The following POLDIP3 variants were observed in gnomAD, a reference collection of about 807,000 sequenced individuals.
The protein encoded by POLDIP3 is polymerase delta-interacting protein 3.
POLDIP3 carries 14 observed loss-of-function variants against 45.1 expected under a neutral mutation model. The observed-to-expected ratio is 0.31, with a 90% CI of 0.20 to 0.49. The LOEUF (loss-of-function observed/expected upper bound fraction) is 0.49, where lower values mean the gene tolerates loss of function less well. Among genes scored for constraint, POLDIP3 ranks in the 20% least tolerant of loss-of-function variants. The probability of loss-of-function intolerance (pLI) is 0.99; values close to 1 mark genes in which losing one functional copy is unlikely to be tolerated. For missense variants in POLDIP3, 511 were observed against 538.8 expected, an observed-to-expected ratio of 0.95 and a Z score of 0.51; for synonymous variants, 223 against 205.2, an observed-to-expected ratio of 1.09 and a Z score of -0.74.
Position 42,613,760 on chromosome 22 carries a change from C to CAA in POLDIP3, c.59+1037_59+1038dup, listed in dbSNP as rs541621326. Among the ~76,000 whole-genome samples, 287 of 151,548 alleles carry CAA rather than the reference C, an allele frequency of 1.9e-3. 2 individuals carry two copies. Among genetic ancestry groups the CAA allele is most frequent in the African/African-American group, 6.7e-3 (276 of 41,316 alleles). On this transcript the variant is annotated intron_variant, in intron 1 of 8. Transcript: ENST00000252115. ...TGGGCGACAGAGCAACACCCCGTCTCAAAAAAAACATAAAAATAAAAATAA... is the reference window on the plus strand; with the variant it reads ...TGGGCGACAGAGCAACACCCCGTCTCAAAAAAAAAACATAAAAATAAAAATAA...
chr22:42,595,323 G>A (rs2146810919), intron 6 of POLDIP3, among the ~76,000 whole-genome samples: 1 of 152,286 alleles, frequency 6.6e-6, no homozygotes, highest in South Asian at 2.1e-4. Context: ...CTGCTGGGAG[G>A]GGCCTCTGGA....
At chr22:42,602,698 C>T (rs1601900182) in intron 2 of POLDIP3, 72 bp downstream of exon 2, 4 of 1,509,486 alleles carry the variant, frequency 2.6e-6, no homozygotes, top group African/African-American at 2.8e-5. Flanking sequence ...CCCAGTCACT[C>T]CTGGCACCTT....
intron 6 of POLDIP3, among the ~76,000 whole-genome samples, chr22:42,594,225 G>A (rs1569297673): frequency 2.0e-5 from 3 of 151,820 alleles, no homozygotes; most frequent in African/African-American, 7.3e-5. Context: ...CGCACTACTG[G>A]CACTCCAGCC....
chr22:42,601,625 G>C (rs961974017), intron 3 of POLDIP3, among the ~76,000 whole-genome samples: 3 of 152,128 alleles, frequency 2.0e-5, no homozygotes, highest in Non-Finnish European at 4.4e-5. Context: ...GCTGGGTGTG[G>C]TGGTACGCGC....
intron 1 of POLDIP3, among the ~76,000 whole-genome samples, chr22:42,614,132 C>A (rs1927304490): frequency 6.6e-6 from 1 of 152,204 alleles, no homozygotes; most frequent in Non-Finnish European, 1.5e-5. Flanking sequence ...CTCAGCCCGC[C>A]GCTCAGTTCT....
intron 1 of POLDIP3, among the ~76,000 whole-genome samples, chr22:42,605,406 G>A (rs547536873): frequency 3.9e-5 from 6 of 152,374 alleles, no homozygotes; most frequent in South Asian, 2.1e-4. Context: ...GATTACAGGC[G>A]TGAGCCACTG....
At chr22:42,604,312 T>C (rs1485092956) in intron 1 of POLDIP3, among the ~76,000 whole-genome samples, 1 of 152,078 alleles carries the variant, frequency 6.6e-6, no homozygotes, top group African/African-American at 2.4e-5. Context: ...TGGGGTTCAG[T>C]CCTTTTGCAG....
chr22:42,604,085 C>T (rs982866032), intron 1 of POLDIP3, among the ~76,000 whole-genome samples: 2 of 152,124 alleles, frequency 1.3e-5, no homozygotes, highest in African/African-American at 2.4e-5. Context: ...GGTCTTTGGG[C>T]TTCTTCTGTC....
intron 7 of POLDIP3, among the ~76,000 whole-genome samples, chr22:42,590,917 CAAAA>C (rs931673467): frequency 6.6e-6 from 1 of 151,624 alleles, no homozygotes; most frequent in African/African-American, 2.4e-5. Flanking sequence ...ACTAAAAATA[CAAAA>C]AAATTAGCTG....
At position 42,596,044 on chromosome 22, in the gene POLDIP3, G is replaced by A. The variant is rs1302701160; in HGVS notation, c.813+142C>T. The A allele has an allele frequency of 4.6e-6, 4 of 866,104 alleles. No homozygotes were observed. In the East Asian group the frequency reaches 7.7e-5, roughly 17 times the overall value. The allele number at this position is 866,104 out of a possible 1,614,324, so 53.7% of individuals were successfully genotyped here. On this transcript the variant is annotated intron_variant, in intron 5 of 8. Transcript: ENST00000252115. The stretch of plus-strand genomic sequence containing the variant: ...GCCTGCAAGGTCTTTGAGGGTAAGA[G>A]TCCCTAGGTCTTGGTTTGCTCATCT...
intron 6 of POLDIP3, among the ~76,000 whole-genome samples, chr22:42,594,465 C>G (rs1255757613): frequency 6.6e-6 from 1 of 151,466 alleles, no homozygotes. Flanking sequence ...GAACCGAGAT[C>G]ACACCATTAC....
rs576100345 is a variant in POLDIP3, at chr22:42,604,522, G to C, written c.60-1362C>G. On this transcript the variant is annotated intron_variant, in intron 1 of 8. Transcript: ENST00000252115. ...TGAGGATCTCTGACCTGCTGTTAGA[G>C]GGTAAACTCTGCTGCATAAACGAGT... 4.0e-4 allele frequency among the ~76,000 whole-genome samples: 61 copies of C among 152,286 alleles called. 1 individual carries two copies. In the South Asian group the frequency reaches 0.013, roughly 32 times the overall value.
intron 4 of POLDIP3, among the ~76,000 whole-genome samples, chr22:42,597,268 T>G (rs1926052160): frequency 6.6e-6 from 1 of 152,204 alleles, no homozygotes; most frequent in Non-Finnish European, 1.5e-5. Flanking sequence ...GGGCAGTGTT[T>G]ACAGGCACTG....
At chr22:42,592,663 T>C (rs998027284) in intron 6 of POLDIP3, among the ~76,000 whole-genome samples, 2 of 152,218 alleles carry the variant, frequency 1.3e-5, no homozygotes, top group Non-Finnish European at 2.9e-5. Context: ...GCAAATTACT[T>C]AACTTCTCTG....
intron 1 of POLDIP3, among the ~76,000 whole-genome samples, chr22:42,606,966 T>A (rs1926767612): frequency 6.6e-6 from 1 of 152,092 alleles, no homozygotes; most frequent in South Asian, 2.1e-4. Context: ...AGAAAAAAAC[T>A]TCTAAAAAAT....
Position 42,595,715 on chromosome 22 carries a change from G to C in POLDIP3, c.814-101C>G, listed in dbSNP as rs1026110990. 1.8e-5 allele frequency: 19 copies of C among 1,046,306 alleles called. 1 individual carries two copies. Among genetic ancestry groups the C allele is most frequent in the Non-Finnish European group, 2.6e-5 (18 of 681,302 alleles). 64.8% of individuals were successfully genotyped at this position (1,046,306 alleles called of 1,614,324 possible). On this transcript the variant is annotated intron_variant, in intron 5 of 8. Coordinates refer to ENST00000252115, the MANE Select transcript of POLDIP3 (RefSeq NM_032311.5). Reference sequence around the variant, plus strand: ...CGTGACTAGGAAGGCCCAGAGGAAAGCTCCATGGAGAGTTACCACAAATGG... The same window carrying C: ...CGTGACTAGGAAGGCCCAGAGGAAACCTCCATGGAGAGTTACCACAAATGG...
rs1043606 is a variant in POLDIP3, at chr22:42,585,672, T to C, written c.*119A>G. 251,711 of 1,252,256 alleles carry C rather than the reference T, an allele frequency of 0.2. 31,284 individuals are homozygous for C. The highest frequency in any genetic ancestry group is 0.65 in the East Asian group (27,731 of 42,546). 77.6% of individuals were successfully genotyped at this position (1,252,256 alleles called of 1,614,324 possible). ...ATCCAGTGAGGAAGCTCTTTATCCC[T>C]GGCAACCCTTCCCACAATCAGGGGT... On this transcript the variant is annotated 3_prime_UTR_variant, in exon 9 of 9. Transcript: ENST00000252115.
intron 4 of POLDIP3, among the ~76,000 whole-genome samples, 168 bp downstream of exon 4, chr22:42,599,530 G>A (rs1416027230): frequency 6.6e-6 from 1 of 152,226 alleles, no homozygotes; most frequent in Non-Finnish European, 1.5e-5. Context: ...CTTGAACCCA[G>A]GAGACGGAGG....
chr22:42,595,423 T>A, intron 6 of POLDIP3, 114 bp downstream of exon 6: 1 of 913,782 alleles, frequency 1.1e-6, no homozygotes, highest in Non-Finnish European at 1.8e-6. Context: ...TGAGCGTGAC[T>A]ATATGCTGAG....
Sources: allele counts gnomAD v4.1 joint callset (sites outside exome capture counted in the v4.1 genomes callset), GRCh38; gene constraint gnomAD v4.1.1; transcripts MANE v1.5; gene names NCBI Gene and HGNC (gene_info 2026-07-23, HGNC 2026-07-21).